STK11: variants seen among roughly 807,000 people sequenced by gnomAD.
STK11 encodes serine/threonine kinase 11.
STK11 carries 8 observed loss-of-function variants against 47.3 expected under a neutral mutation model. The ratio of observed to expected loss-of-function variants is 0.17; its 90% CI spans 0.10 to 0.31. STK11 has a LOEUF of 0.31. STK11 is among the 10% of genes least tolerant of loss of function. STK11 has a pLI of 1.00. For synonymous variants in STK11, 330 were observed against 255.8 expected (o/e 1.29, Z -2.77); for missense variants, 475 against 605.0 (o/e 0.79, Z 2.25).
intron 1 of STK11, among the ~76,000 whole-genome samples, chr19:1,210,696 C>G (rs1568694619): frequency 6.6e-6 from 1 of 151,102 alleles, no homozygotes; most frequent in Non-Finnish European, 1.5e-5. Context: ...AACCCTGTCT[C>G]TACTAAAAAT....
rs2080700068 is a variant in STK11 at position 1,210,218 on chromosome 19, GAGA to G, written c.290+3018_290+3020del. 9.8e-5 allele frequency among the ~76,000 whole-genome samples: 15 copies of G among 152,320 alleles called. No individual in the cohort carries two copies. In the South Asian group the frequency reaches 2.9e-3, roughly 29 times the overall value. ...CTGCCATGTGCAGAGTGCTGTCAAG[GAGA>G]AGGGGTGTCCACTGCCCAGCCCTGA... On this transcript the variant is annotated intron_variant, in intron 1 of 9. Coordinates refer to ENST00000326873, the MANE Select transcript of STK11 (RefSeq NM_000455.5).
At position 1,206,042 on chromosome 19, in the gene STK11, C is replaced by G. The variant is rs2080661905; in HGVS notation, c.-872C>G. 1 of 146,022 alleles carries G rather than the reference C, an allele frequency of 6.8e-6. No individual in the cohort carries two copies. The highest frequency in any genetic ancestry group is 1.5e-5 in the Non-Finnish European group (1 of 65,726). 9.0% of individuals were successfully genotyped at this position (146,022 alleles called of 1,614,324 possible). A position where few individuals can be genotyped will look rare whatever the true frequency, so the allele number is the denominator to read the frequency against. ...CCTGCGCCGCCTCGGCCGCCGGGAG[C>G]CCCGTGGAGCCCCCGCCGCCGCGCC... On this transcript the variant is annotated 5_prime_UTR_variant, in exon 1 of 10. Transcript: ENST00000326873.
chr19:1,226,904 C>G (rs556096131), intron 9 of STK11: 2 of 515,846 alleles, frequency 3.9e-6, no homozygotes, highest in South Asian at 2.8e-5. Context: ...TCTGGGGGGG[C>G]GTGCCGTCCT....
At chr19:1,214,308 G>T (rs977142958) in intron 1 of STK11, among the ~76,000 whole-genome samples, 2 of 152,196 alleles carry the variant, frequency 1.3e-5, no homozygotes, top group African/African-American at 4.8e-5. Context: ...ATCGGGGGAC[G>T]CACGTGCCTG....
rs587782146 is a variant in STK11, at chr19:1,220,633, C to T, written c.650C>T (p.Pro217Leu). ...DDTCRTSQGS[P>L]AFQPPEIANG... ...ACCTGCCGGACCAGCCAGGGCTCCC[C>T]GGCTTTCCAGCCGCCCGAGATTGCC... The change falls in exon 5 of 10, where the codon CCG (proline) becomes CTG (leucine). Residue 217 changes from proline (P) to leucine (L), a missense_variant. Transcript: ENST00000326873. 1.2e-6 allele frequency: 2 copies of T among 1,607,022 alleles called. No individual in the cohort carries two copies. The highest frequency in any genetic ancestry group is 1.7e-6 in the Non-Finnish European group (2 of 1,177,378).
intron 1 of STK11, among the ~76,000 whole-genome samples, chr19:1,208,306 A>AT (rs61525470): frequency 0.33 from 38,156 of 115,922 alleles, 7,510 homozygotes; most frequent in East Asian, 0.61. Flanking sequence ...GCTCACGTAC[A>AT]TTTTTTTTTT....
At chr19:1,216,782 C>A (rs890891439) in intron 1 of STK11, among the ~76,000 whole-genome samples, 13 of 150,498 alleles carry the variant, frequency 8.6e-5, no homozygotes, top group African/African-American at 3.2e-4. Context: ...ATGGGAGGAT[C>A]GCTTGAGCCT....
At chr19:1,219,446 G>A (rs758268029) in intron 3 of STK11, 33 bp downstream of exon 3, 25 of 1,542,136 alleles carry the variant, frequency 1.6e-5, no homozygotes, top group Admixed American at 5.9e-5. Context: ...AGGGTGGGGC[G>A]GGGGCCGGGG....
chr19:1,221,665 G>A (rs2080785353), intron 6 of STK11: 1 of 587,248 alleles, frequency 1.7e-6, no homozygotes, highest in Non-Finnish European at 3.0e-6. Flanking sequence ...CATGGCAGCA[G>A]GTGGCACTGG....
At chr19:1,218,573 G>A in intron 2 of STK11, 73 bp downstream of exon 2, 5 of 1,288,136 alleles carry the variant, frequency 3.9e-6, no homozygotes, top group Non-Finnish European at 4.5e-6. Context: ...CTGCCTCGAG[G>A]CCTGCTCCTC....
Position 1,227,778 on chromosome 19 carries a change from C to G in STK11, c.*202C>G, listed in dbSNP as rs886054220. ...GGGCGCAGCCCTCCCCCCTCGGCCG[C>G]CCGGCAGTGCACGCGGCTTGTTGAC... On this transcript the variant is annotated 3_prime_UTR_variant, in exon 10 of 10. Coordinates refer to ENST00000326873, the MANE Select transcript of STK11 (RefSeq NM_000455.5). 2.9e-4 allele frequency: 313 copies of G among 1,074,180 alleles called. No homozygotes were observed. Among genetic ancestry groups the G allele is most frequent in the Non-Finnish European group, 3.4e-4 (300 of 884,756 alleles). The allele number at this position is 1,074,180 out of a possible 1,614,324, so 66.5% of individuals were successfully genotyped here.
At chr19:1,226,346 G>A (rs947019074) in intron 8 of STK11, 108 bp from the exon 9 acceptor site, 2 of 1,518,460 alleles carry the variant, frequency 1.3e-6, no homozygotes, top group Admixed American at 2.1e-5. Flanking sequence ...GGCGGGCATG[G>A]CCTGGGCAGC....
chr19:1,220,887 T>TGGTGGTTCACCC lies in STK11; in HGVS notation c.734+172_734+183dup, dbSNP rs1268113833. ...ATGGAAATGTAACTCATACGGCAGA[T>TGGTGGTTCACCC]GGTGGTTCACCCGTGTGAAGTGCAG... On this transcript the variant is annotated intron_variant, in intron 5 of 9. Transcript: ENST00000326873. Among the ~76,000 whole-genome samples the TGGTGGTTCACCC allele has an allele frequency of 2.6e-5, 4 of 152,206 alleles. No homozygotes were observed. In the East Asian group the frequency reaches 7.7e-4, roughly 29 times the overall value.
At chr19:1,215,407 G>A (rs113734076) in intron 1 of STK11, among the ~76,000 whole-genome samples, 3,972 of 152,296 alleles carry the variant, frequency 0.026, 169 homozygotes, top group African/African-American at 0.089. Flanking sequence ...ACAGGGCACC[G>A]GGCACAGCCA....
intron 1 of STK11, among the ~76,000 whole-genome samples, chr19:1,218,036 C>T (rs759342104): frequency 3.3e-5 from 5 of 151,876 alleles, no homozygotes; most frequent in African/African-American, 4.8e-5. Flanking sequence ...CCCAGCTACT[C>T]GGGAGGCTGA....
intron 1 of STK11, among the ~76,000 whole-genome samples, chr19:1,215,212 G>C (rs965511054): frequency 7.5e-6 from 1 of 133,846 alleles, no homozygotes; most frequent in Non-Finnish European, 1.7e-5. Flanking sequence ...CAATGCCCTG[G>C]GTGCCTGCCA....
Position 1,227,734 on chromosome 19 carries a change from CA to C in STK11, c.*159del. ...CTCCGGAGCGCCCTGCAGGGCCGGG[CA>C]GGGGGACAGCAGGGACCGGGCGCAG... On this transcript the variant is annotated 3_prime_UTR_variant, in exon 10 of 10. Coordinates refer to ENST00000326873, the MANE Select transcript of STK11 (RefSeq NM_000455.5). 9.3e-7 allele frequency: 1 copy of C among 1,072,108 alleles called. No individual in the cohort carries two copies. The highest frequency in any genetic ancestry group is 1.1e-6 in the Non-Finnish European group (1 of 883,542). 66.4% of individuals were successfully genotyped at this position (1,072,108 alleles called of 1,614,324 possible). A position where few individuals can be genotyped will look rare whatever the true frequency, so the allele number is the denominator to read the frequency against.
Position 1,206,797 on chromosome 19 carries a change from C to CTT in STK11, c.-108_-107dup. The CTT allele has an allele frequency of 2.3e-5, 27 of 1,182,748 alleles. No homozygotes were observed. The highest frequency in any genetic ancestry group is 6.2e-5 in the Admixed American group (2 of 32,216). 73.3% of individuals were successfully genotyped at this position (1,182,748 alleles called of 1,614,324 possible). A position where few individuals can be genotyped will look rare whatever the true frequency, so the allele number is the denominator to read the frequency against. ...CCCTTCCTTTTGGGGTTTTTGTTGC[C>CTT]TTTTTTTTTTCTTTTTTCTTTGTAA... On this transcript the variant is annotated 5_prime_UTR_variant, in exon 1 of 10. Transcript: ENST00000326873.
At position 1,207,000 on chromosome 19, in the gene STK11, C is replaced by A. The variant is rs745530022; in HGVS notation, c.87C>A (p.Ile29=). ...GTATGGACACGTTCATCCACCGCAT[C>A]GACTCCACCGAGGTCATCTACCAGC... is the stretch of plus-strand genomic sequence containing the variant. ...SVGMDTFIHR[I]DSTEVIYQPR... Residue 29 remains isoleucine (I), a synonymous_variant, in exon 1 of 10, where the codon ATC becomes ATA. Coordinates refer to ENST00000326873, the MANE Select transcript of STK11 (RefSeq NM_000455.5). 1 of 1,613,330 alleles carries A rather than the reference C, an allele frequency of 6.2e-7. No individual in the cohort carries two copies. The highest frequency in any genetic ancestry group is 1.1e-5 in the South Asian group (1 of 91,028).
Sources: gnomAD v4.1 joint callset for allele counts (sites outside exome capture counted in the v4.1 genomes callset) on GRCh38, gnomAD v4.1.1 for gene constraint, MANE v1.5 for transcripts, NCBI Gene and HGNC (gene_info 2026-07-23, HGNC 2026-07-21) for gene names.